The following HIVEP3 variants were observed in gnomAD, a reference collection of about 807,000 sequenced individuals.
HIVEP3 encodes the protein HIVEP zinc finger 3, also known as transcription factor HIVEP3.
Under a neutral mutation model 152.8 loss-of-function variants are expected in HIVEP3, and 49 were observed. The ratio of observed to expected loss-of-function variants is 0.32; its 90% CI spans 0.26 to 0.41. HIVEP3 has a LOEUF of 0.41. Ranked by LOEUF, HIVEP3 falls within the 10% of genes least tolerant of loss-of-function variation. The pLI is 1.00. For synonymous variants in HIVEP3, 1,269 were observed against 1,289.0 expected (o/e 0.98, Z 0.33); for missense variants, 2,790 against 3,103.3 (o/e 0.90, Z 2.40).
chr1:41,766,994 C>T (rs1648054394), intron 1 of HIVEP3, among the ~76,000 whole-genome samples: 1 of 152,222 alleles, frequency 6.6e-6, no homozygotes, highest in South Asian at 2.1e-4. Context: ...CCGCACTAGA[C>T]TACAGCTTTG....
intron 5 of HIVEP3, among the ~76,000 whole-genome samples, chr1:41,559,496 C>T (rs935692381): frequency 6.6e-6 from 1 of 152,160 alleles, no homozygotes; most frequent in Non-Finnish European, 1.5e-5. Flanking sequence ...GGATGCCCCT[C>T]TCAACCTGCT....
chr1:41,811,263 C>T (rs1323824747), intron 1 of HIVEP3, among the ~76,000 whole-genome samples: 2 of 151,502 alleles, frequency 1.3e-5, no homozygotes, highest in African/African-American at 4.9e-5. Flanking sequence ...ACTCTGGCAG[C>T]CAGCCAGGTG....
Position 41,581,140 on chromosome 1 carries a change from G to A in HIVEP3, c.3658C>T (p.Pro1220Ser). Residue 1220 changes from proline to serine, a missense_variant, in exon 4 of 9, where the codon CCC becomes TCC. Transcript: ENST00000372583. This position sits in a 1 kb window ranked among gnomAD's most constrained non-coding sequence, Gnocchi z 4.5. ...PHPANIPFRQ[P>S]PSFLPMPYPT... Reference sequence around the variant, plus strand: ...TATGGCATGGGGAGGAAGGAAGGGGGCTGCCTGAAGGGGATGTTGGCTGGG... The same window carrying A: ...TATGGCATGGGGAGGAAGGAAGGGGACTGCCTGAAGGGGATGTTGGCTGGG... 6.4e-7 allele frequency: 1 copy of A among 1,552,276 alleles called. No homozygotes were observed. The highest frequency in any genetic ancestry group is 2.3e-5 in the East Asian group (1 of 44,342).
intron 1 of HIVEP3, among the ~76,000 whole-genome samples, chr1:41,758,465 C>G (rs2124239876): frequency 6.6e-6 from 1 of 152,298 alleles, no homozygotes; most frequent in African/African-American, 2.4e-5. Flanking sequence ...TTCAATGGAC[C>G]AAGGTAGTGG....
Position 41,918,121 on chromosome 1 carries a change from C to A in HIVEP3, c.-801+292G>T, listed in dbSNP as rs1026402022. 1.3e-5 allele frequency among the ~76,000 whole-genome samples: 2 copies of A among 152,136 alleles called. No individual in the cohort carries two copies. The highest frequency in any genetic ancestry group is 2.9e-5 in the Non-Finnish European group (2 of 68,014). ...AGGGTTACAGCCCCGCCGCCGCCGC[C>A]GCCGCCGCCGCCTGTGATTGACGCG... On this transcript the variant is annotated intron_variant, in intron 1 of 8. Transcript: ENST00000372583. This position sits in a 1 kb window ranked among gnomAD's most constrained non-coding sequence, Gnocchi z 4.3.
chr1:41,623,542 T>G (rs1450330558), intron 3 of HIVEP3, among the ~76,000 whole-genome samples: 2 of 152,214 alleles, frequency 1.3e-5, no homozygotes, highest in African/African-American at 4.8e-5. Flanking sequence ...TCTATCCCCT[T>G]GAGGCTTCTC....
chr1:41,725,930 A>G (rs1223832199), intron 1 of HIVEP3, among the ~76,000 whole-genome samples: 2 of 152,116 alleles, frequency 1.3e-5, no homozygotes, highest in Admixed American at 1.3e-4. Context: ...TTTAAAAGAT[A>G]ATTTTGTTTT....
chr1:41,734,774 C>T (rs1161505834), intron 1 of HIVEP3, among the ~76,000 whole-genome samples: 1 of 152,078 alleles, frequency 6.6e-6, no homozygotes, highest in Non-Finnish European at 1.5e-5. Context: ...AGGACTGGGG[C>T]AGAATAGAGG....
intron 5 of HIVEP3, among the ~76,000 whole-genome samples, chr1:41,560,288 C>T (rs1032828530): frequency 1.8e-4 from 28 of 152,116 alleles, no homozygotes; most frequent in South Asian, 2.1e-4. Context: ...TTGTGTGAGG[C>T]GCAGGGCCAG....
At chr1:41,549,985 T>C (rs1249253903) in intron 5 of HIVEP3, among the ~76,000 whole-genome samples, 1 of 152,236 alleles carries the variant, frequency 6.6e-6, no homozygotes, top group Non-Finnish European at 1.5e-5. Flanking sequence ...CTAGGTTTTC[T>C]TCTAGGGTTT....
At chr1:41,620,081 G>T (rs974104017) in intron 3 of HIVEP3, among the ~76,000 whole-genome samples, 1 of 152,180 alleles carries the variant, frequency 6.6e-6, no homozygotes, top group African/African-American at 2.4e-5. Context: ...AAGGGGGAAA[G>T]GTGCTAAGGC....
intron 4 of HIVEP3, among the ~76,000 whole-genome samples, chr1:41,576,915 C>A (rs1171733510): frequency 6.6e-6 from 1 of 152,186 alleles, no homozygotes; most frequent in Non-Finnish European, 1.5e-5. Flanking sequence ...GGAGTGGAAA[C>A]CGAGCAAGAA....
At chr1:41,974,124 AG>A (rs1217204748) in intron 1 of HIVEP3, among the ~76,000 whole-genome samples, 3 of 152,238 alleles carry the variant, frequency 2.0e-5, no homozygotes, top group East Asian at 3.9e-4. Context: ...CAAGGAGGGC[AG>A]GGGGTGGAGG....
At chr1:41,792,915 C>T (rs776416016) in intron 1 of HIVEP3, among the ~76,000 whole-genome samples, 36 of 152,216 alleles carry the variant, frequency 2.4e-4, no homozygotes, top group Non-Finnish European at 4.7e-4. Context: ...GGGATGGAAG[C>T]TGTATCCTTC....
intron 5 of HIVEP3, among the ~76,000 whole-genome samples, chr1:41,562,422 C>T (rs1188758395): frequency 6.6e-6 from 1 of 152,156 alleles, no homozygotes; most frequent in Admixed American, 6.5e-5. Flanking sequence ...TATTTGAATA[C>T]CACCTTACAG....
intron 1 of HIVEP3, chr1:41,849,161 T>C (rs769667274): frequency 1.3e-5 from 2 of 152,158 alleles, no homozygotes; most frequent in Non-Finnish European, 1.5e-5. Flanking sequence ...CTCATTCTAG[T>C]TCACGAGTGG....
intron 1 of HIVEP3, among the ~76,000 whole-genome samples, chr1:41,711,590 G>A (rs1411110436): frequency 2.6e-5 from 4 of 152,234 alleles, no homozygotes; most frequent in Admixed American, 1.3e-4. Context: ...TGATAACACC[G>A]ATCCTGCATA....
intron 1 of HIVEP3, among the ~76,000 whole-genome samples, chr1:41,777,496 C>T (rs1223027797): frequency 6.6e-6 from 1 of 152,232 alleles, no homozygotes. Flanking sequence ...AAACCCACCA[C>T]CCAGTGAAGC....
At chr1:41,538,144 A>G (rs770694861) in intron 5 of HIVEP3, among the ~76,000 whole-genome samples, 3 of 152,170 alleles carry the variant, frequency 2.0e-5, no homozygotes, top group Non-Finnish European at 4.4e-5. Flanking sequence ...GCTTCTGCAG[A>G]AGAAACACCT....
Sources: gnomAD v4.1 joint callset for allele counts (sites outside exome capture counted in the v4.1 genomes callset) on GRCh38, gnomAD v4.1.1 for gene constraint, Gnocchi (gnomAD v3.1) non-coding constraint, MANE v1.5 for transcripts, NCBI Gene and HGNC (gene_info 2026-07-23, HGNC 2026-07-21) for gene names.